MYH11: variants seen among roughly 807,000 people sequenced by gnomAD.
MYH11 encodes myosin-11.
Under a neutral mutation model 246.6 loss-of-function variants are expected in MYH11, and 80 were observed. The observed-to-expected ratio is 0.32, with a 90% CI of 0.27 to 0.39. The LOEUF (loss-of-function observed/expected upper bound fraction) is 0.39, where lower values mean the gene tolerates loss of function less well. Ranked by LOEUF, MYH11 falls within the 10% of genes least tolerant of loss-of-function variation. The pLI is 1.00. For synonymous variants in MYH11, 1,071 were observed against 1,015.5 expected (o/e 1.05, Z -1.04); for missense variants, 2,158 against 2,546.8 (o/e 0.85, Z 3.29).
In MYH11 at chr16:15,724,957, C is replaced by T; in HGVS notation, c.3894G>A (p.Glu1298=). 6.2e-7 allele frequency: 1 copy of T among 1,614,108 alleles called. No individual in the cohort carries two copies. Among genetic ancestry groups the T allele is most frequent in the Non-Finnish European group, 8.5e-7 (1 of 1,180,038 alleles). Reference sequence around the variant, plus strand: ...CCAGCTTAATGGCCTTCCCCTCGGCCTCGTTAAGCATCCCTGTGACGCTCT... The same window carrying T: ...CCAGCTTAATGGCCTTCCCCTCGGCTTCGTTAAGCATCCCTGTGACGCTCT... ...EVESVTGMLN[E]AEGKAIKLAK... Residue 1298 remains glutamate, a synonymous_variant, in exon 29 of 41, where the codon GAG becomes GAA. Coordinates refer to ENST00000300036, the MANE Select transcript of MYH11 (RefSeq NM_002474.3).
At chr16:15,852,339 T>TC (rs2044351003) in intron 1 of MYH11, among the ~76,000 whole-genome samples, 2 of 150,002 alleles carry the variant, frequency 1.3e-5, no homozygotes, top group Non-Finnish European at 3.0e-5. Context: ...AATGCCTTTT[T>TC]TTTTTTTTTT....
chr16:15,835,587 GGAA>G (rs1217597937), intron 2 of MYH11, among the ~76,000 whole-genome samples: 8 of 152,074 alleles, frequency 5.3e-5, no homozygotes, highest in Non-Finnish European at 8.8e-5. Context: ...GCCAAGTGAT[GGAA>G]GAAGAACATC....
At chr16:15,820,597 A>G (rs1175063667) in intron 3 of MYH11, among the ~76,000 whole-genome samples, 1 of 152,210 alleles carries the variant, frequency 6.6e-6, no homozygotes, top group Non-Finnish European at 1.5e-5. Context: ...AAAGAAGTAA[A>G]AGAAGCCCTT....
intron 2 of MYH11, among the ~76,000 whole-genome samples, chr16:15,834,704 T>G (rs1295692278): frequency 2.6e-5 from 4 of 152,174 alleles, no homozygotes; most frequent in Non-Finnish European, 5.9e-5. Context: ...GGGCAAACAT[T>G]TTTAACTCAG....
intron 40 of MYH11, chr16:15,713,585 T>G (rs2039943380): frequency 6.6e-6 from 1 of 152,234 alleles, no homozygotes; most frequent in Non-Finnish European, 1.5e-5. Context: ...AGCCTTGACC[T>G]CTGGGGCTCC....
chr16:15,814,021 G>A (rs1488410293), intron 3 of MYH11, among the ~76,000 whole-genome samples: 12 of 151,992 alleles, frequency 7.9e-5, no homozygotes, highest in Admixed American at 5.9e-4. Context: ...GCATGCACCT[G>A]TAATCCCAGC....
chr16:15,800,995 C>T (rs139799758), intron 3 of MYH11, among the ~76,000 whole-genome samples: 13 of 152,130 alleles, frequency 8.5e-5, no homozygotes, highest in African/African-American at 2.9e-4. Flanking sequence ...CACTTGAGTT[C>T]AGGAGTTCCA....
intron 37 of MYH11, 101 bp downstream of exon 37, chr16:15,718,214 G>T (rs1437119513): frequency 4.4e-6 from 7 of 1,576,630 alleles, no homozygotes; most frequent in Non-Finnish European, 5.2e-6. Context: ...TCAATCCAGG[G>T]CCTGCACACA....
chr16:15,715,247 G>A lies in MYH11; in HGVS notation c.5530C>T (p.Leu1844=), dbSNP rs1426209838. 6.2e-7 allele frequency: 1 copy of A among 1,613,974 alleles called. No homozygotes were observed. The highest frequency in any genetic ancestry group is 2.2e-5 in the East Asian group (1 of 44,892). ...TTCAGCTTCTTGTCTTTCTGCTTCA[G>A]CGACTTGGTGGCCGCCTGTTTCTCT... The part of the protein sequence containing the change: ...AREKQAATKS[L]KQKDKKLKEI... Residue 1844 remains leucine (L), a synonymous_variant, in exon 39 of 41, where the codon CTG becomes TTG. Coordinates refer to ENST00000300036, the MANE Select transcript of MYH11 (RefSeq NM_002474.3).
intron 1 of MYH11, among the ~76,000 whole-genome samples, chr16:15,850,387 A>AAAAT (rs981343736): frequency 2.6e-5 from 4 of 152,246 alleles, no homozygotes; most frequent in Admixed American, 1.3e-4. Flanking sequence ...CTCTGTCTTG[A>AAAAT]AAATAAATAA....
At chr16:15,786,536 T>A in intron 5 of MYH11, 94 bp downstream of exon 5, 1 of 1,218,448 alleles carries the variant, frequency 8.2e-7, no homozygotes, top group Non-Finnish European at 1.2e-6. Flanking sequence ...GGGGCCTGAG[T>A]TCTTGCAATG....
chr16:15,762,796 CT>C (rs1440509416), intron 10 of MYH11, among the ~76,000 whole-genome samples: 2 of 152,230 alleles, frequency 1.3e-5, no homozygotes, highest in Non-Finnish European at 2.9e-5. Context: ...CGCAATTCCC[CT>C]GTCTTGATTA....
intron 30 of MYH11, 57 bp from the exon 31 acceptor site, chr16:15,724,466 C>G (rs1228339791): frequency 2.5e-6 from 4 of 1,610,638 alleles, no homozygotes; most frequent in African/African-American, 2.7e-5. Context: ...GCCCCTGTCC[C>G]TGGCCCCACA....
chr16:15,839,756 G>A (rs142307647), intron 1 of MYH11, among the ~76,000 whole-genome samples: 135 of 151,772 alleles, frequency 8.9e-4, no homozygotes, highest in African/African-American at 3.1e-3. Flanking sequence ...GCAATCAAGA[G>A]TTGCCAGAGG....
chr16:15,790,307 AAAACAAAC>A (rs140067382), intron 4 of MYH11, among the ~76,000 whole-genome samples: 11,534 of 151,222 alleles, frequency 0.076, 606 homozygotes, highest in African/African-American at 0.14. Flanking sequence ...TCCATCTCAA[AAAACAAAC>A]AAACAAACAA....
At chr16:15,809,188 T>A (rs1457266906) in intron 3 of MYH11, among the ~76,000 whole-genome samples, 2 of 152,162 alleles carry the variant, frequency 1.3e-5, no homozygotes. Context: ...TCAATTCGTA[T>A]TTACACATAC....
chr16:15,722,090 C>G (rs8052322), intron 31 of MYH11, among the ~76,000 whole-genome samples: 1,846 of 152,120 alleles, frequency 0.012, 37 homozygotes, highest in African/African-American at 0.036. Flanking sequence ...ACTCCTGACC[C>G]TCAAGTGAGC....
Position 15,721,526 on chromosome 16 carries a change from G to C in MYH11, c.4474C>G (p.Leu1492Val). The C allele has an allele frequency of 6.2e-7, 1 of 1,614,196 alleles. No homozygotes were observed. The highest frequency in any genetic ancestry group is 8.5e-7 in the Non-Finnish European group (1 of 1,180,044). Residue 1492 changes from leucine to valine, a missense_variant, in exon 32 of 41, where the codon CTT becomes GTT. By Grantham distance (32) the Leu-to-Val change is conservative. Coordinates refer to ENST00000300036, the MANE Select transcript of MYH11 (RefSeq NM_002474.3). ...ETKALSLARA[L>V]EEALEAKEEL... The stretch of plus-strand genomic sequence containing the variant: ...TCTTTGGCTTCCAAGGCCTCTTCAA[G>C]GGCCCGAGCCAGGGACAGGGCCTTG...
At chr16:15,831,189 A>G (rs956432534) in intron 2 of MYH11, among the ~76,000 whole-genome samples, 2 of 152,076 alleles carry the variant, frequency 1.3e-5, no homozygotes, top group Non-Finnish European at 2.9e-5. Flanking sequence ...AATATAAATA[A>G]ATAAATAACA....
Sources: allele counts gnomAD v4.1 joint callset (sites outside exome capture counted in the v4.1 genomes callset), GRCh38; gene constraint gnomAD v4.1.1; transcripts MANE v1.5; gene names NCBI Gene and HGNC (gene_info 2026-07-23, HGNC 2026-07-21).